Variants in LYST observed in about 807,000 individuals in gnomAD.
The protein encoded by LYST is lysosomal trafficking regulator.
Under a neutral mutation model 413.6 loss-of-function variants are expected in LYST, and 192 were observed. That is an observed-to-expected ratio of 0.46 (90% CI 0.41 to 0.52). The LOEUF (loss-of-function observed/expected upper bound fraction) is 0.52. LYST is among the 20% of genes least tolerant of loss of function. The probability of loss-of-function intolerance (pLI) is 0.00; values close to 1 mark genes in which losing one functional copy is unlikely to be tolerated. For synonymous variants in LYST, 1,525 were observed against 1,567.3 expected, an observed-to-expected ratio of 0.97 and a Z score of 0.64; for missense variants, 3,815 against 4,499.9, an observed-to-expected ratio of 0.85 and a Z score of 4.35.
At chr1:235,708,977 C>T in intron 44 of LYST, 114 bp downstream of exon 44, 1 of 902,350 alleles carries the variant, frequency 1.1e-6, no homozygotes, top group South Asian at 1.4e-5. Context: ...TTTAATGCTA[C>T]TACCAATTCT....
intron 39 of LYST, among the ~76,000 whole-genome samples, chr1:235,722,953 G>C (rs547343092): frequency 1.3e-5 from 2 of 152,230 alleles, no homozygotes; most frequent in Admixed American, 6.5e-5. Flanking sequence ...AGGAAGGCCA[G>C]TTAGGAGGCT....
At chr1:235,702,471 T>C (rs983197021) in intron 45 of LYST, among the ~76,000 whole-genome samples, 2 of 152,200 alleles carry the variant, frequency 1.3e-5, no homozygotes, top group African/African-American at 4.8e-5. Flanking sequence ...CCTGCGAGGC[T>C]TTCCCTGGGA....
At chr1:235,869,507 C>T (rs993191471), upstream of LYST, among the ~76,000 whole-genome samples, 1 of 152,132 alleles carries the variant, frequency 6.6e-6, no homozygotes, top group Non-Finnish European at 1.5e-5. Context: ...GCTCTACTTA[C>T]GCATGTATCA....
At chr1:235,778,122 T>TATATATATATATATATATATATATA (rs1558230944) in intron 16 of LYST, among the ~76,000 whole-genome samples, 5 of 144,802 alleles carry the variant, frequency 3.5e-5, no homozygotes, top group African/African-American at 1.3e-4. Flanking sequence ...TATATATATA[T>TATATATATATATATATATATATATA]TTTTGTAGAG....
rs12076142 is a variant in LYST at position 235,715,661 on chromosome 1, G to A, written c.9628-304C>T. Among the ~76,000 whole-genome samples the A allele has an allele frequency of 7.1e-3, 1,086 of 152,186 alleles. 9 individuals carry two copies. The highest frequency in any genetic ancestry group is 0.025 in the African/African-American group (1,035 of 41,500). On this transcript the variant is annotated intron_variant, in intron 41 of 52. Coordinates refer to ENST00000389793, the MANE Select transcript of LYST (RefSeq NM_000081.4). ...CACCTCCTAACTAATGGCTCATAATGTCTAAGCTGATCAAGCACCCAACAA... is the reference window on the plus strand; with the variant it reads ...CACCTCCTAACTAATGGCTCATAATATCTAAGCTGATCAAGCACCCAACAA...
intron 30 of LYST, among the ~76,000 whole-genome samples, chr1:235,743,675 TC>T (rs1275942581): frequency 6.6e-6 from 1 of 152,144 alleles, no homozygotes; most frequent in Non-Finnish European, 1.5e-5. Context: ...TCATGTAAAC[TC>T]CCATAGTAGT....
At chr1:235,757,507 T>C (rs751111866) in intron 23 of LYST, 49 bp from the exon 24 acceptor site, 2 of 1,370,630 alleles carry the variant, frequency 1.5e-6, no homozygotes, top group South Asian at 2.3e-5. Context: ...GAAAAGTACT[T>C]GATGATTACC....
At chr1:235,743,599 A>C (rs550445175) in intron 30 of LYST, among the ~76,000 whole-genome samples, 2 of 152,290 alleles carry the variant, frequency 1.3e-5, no homozygotes, top group East Asian at 3.9e-4. Flanking sequence ...CCAAGATCTA[A>C]AATTCATAAT....
intron 1 of LYST, among the ~76,000 whole-genome samples, chr1:235,856,142 G>A (rs1374801624): frequency 6.6e-6 from 1 of 152,050 alleles, no homozygotes; most frequent in African/African-American, 2.4e-5. Flanking sequence ...ATCATACTCG[G>A]TAGTTTCTAT....
At position 235,662,869 on chromosome 1, in the gene LYST, C is replaced by G; in HGVS notation, c.*71G>C. ...CATCCATTTCTTTAGGTTCAACCTC[C>G]TAAAACTGGTGAAGTCAACAAATCT... On this transcript the variant is annotated 3_prime_UTR_variant, in exon 53 of 53. Transcript: ENST00000389793. 5.7e-6 allele frequency: 5 copies of G among 883,258 alleles called. No homozygotes were observed. Among genetic ancestry groups the G allele is most frequent in the Non-Finnish European group, 9.8e-6 (5 of 512,600 alleles). The allele number at this position is 883,258 out of a possible 1,614,324, so 54.7% of individuals were successfully genotyped here. A position where few individuals can be genotyped will look rare whatever the true frequency, so the allele number is the denominator to read the frequency against.
intron 14 of LYST, among the ~76,000 whole-genome samples, chr1:235,786,067 C>T (rs1391227547): frequency 1.3e-5 from 2 of 152,094 alleles, no homozygotes; most frequent in East Asian, 3.9e-4. Flanking sequence ...CCTTATTAGC[C>T]ACTTAATTTA....
At chr1:235,727,661 A>T (rs1664009256) in intron 38 of LYST, among the ~76,000 whole-genome samples, 1 of 152,202 alleles carries the variant, frequency 6.6e-6, no homozygotes, top group Admixed American at 6.5e-5. Flanking sequence ...AATAACAATT[A>T]TCATTATTAA....
chr1:235,778,415 C>T (rs1669531514), intron 16 of LYST, among the ~76,000 whole-genome samples: 1 of 151,884 alleles, frequency 6.6e-6, no homozygotes, highest in South Asian at 2.1e-4. Context: ...TGCTCTGTTG[C>T]CCAGGCTGGA....
chr1:235,732,065 CT>C (rs543859627), intron 34 of LYST, among the ~76,000 whole-genome samples: 187 of 147,878 alleles, frequency 1.3e-3, no homozygotes, highest in African/African-American at 4.3e-3. Flanking sequence ...CGGTTGTTGT[CT>C]TTTTTTTTTA....
Position 235,788,903 on chromosome 1 carries a change from A to G in LYST, c.4544-58T>C, listed in dbSNP as rs982989478. 2.6e-6 allele frequency: 4 copies of G among 1,517,118 alleles called. No homozygotes were observed. The African/African-American group carries it at 4.1e-5, about 16-fold the overall frequency. The allele number at this position is 1,517,118 out of a possible 1,614,324, so 94.0% of individuals were successfully genotyped here. A position where few individuals can be genotyped will look rare whatever the true frequency, so the allele number is the denominator to read the frequency against. ...AATGGTTCGTAACAACTGAGTAGAA[A>G]AGTGAATTTAGAAGAATACAAAGCA... is the stretch of plus-strand genomic sequence containing the variant. On this transcript the variant is annotated intron_variant, in intron 12 of 52. Coordinates refer to ENST00000389793, the MANE Select transcript of LYST (RefSeq NM_000081.4).
At position 235,773,892 on chromosome 1, in the gene LYST, T is replaced by C. The variant is rs756441252; in HGVS notation, c.5734A>G (p.Lys1912Glu). 1 of 1,611,406 alleles carries C rather than the reference T, an allele frequency of 6.2e-7. No homozygotes were observed. The highest frequency in any genetic ancestry group is 1.3e-5 in the African/African-American group (1 of 75,006). ...VDSNAIIQDV[K>E]LLEELLLDWK... ...TCAAGCAATAGTTCCTCTAACAGCT[T>C]AACATCTTGGATTATAGCATTAGAG... Residue 1912 changes from lysine (K) to glutamate (E), a missense_variant, in exon 19 of 53, where the codon AAG becomes GAG. Physicochemically the swap from Lys to Glu is moderately conservative, Grantham distance 56. Around this residue, in one of 4 missense-constraint regions of LYST, gnomAD observed 530 missense variants for 696.5 expected, o/e 0.76. Transcript: ENST00000389793.
In LYST at chr1:235,810,110, G is replaced by A. The variant is rs1309693891; in HGVS notation, c.708C>T (p.Asp236=). The A allele has an allele frequency of 1.3e-5, 21 of 1,613,988 alleles. No homozygotes were observed. The highest frequency in any genetic ancestry group is 1.7e-5 in the Non-Finnish European group (20 of 1,179,960). ...EIIPRQGSNT[D]ILSEPAALSV... ...ACAAGGCAGCTGGCTCACTTAAAAT[G>A]TCAGTGTTTGACCCCTGTCTTGGAA... The change falls in exon 5 of 53, where the codon GAC becomes GAT. Residue 236 remains aspartate, a synonymous_variant. Transcript: ENST00000389793.
At chr1:235,716,007 A>G (rs982493843) in intron 41 of LYST, among the ~76,000 whole-genome samples, 3 of 152,200 alleles carry the variant, frequency 2.0e-5, no homozygotes, top group Non-Finnish European at 4.4e-5. Flanking sequence ...AAAGTCAGGT[A>G]TAGTGAATTT....
intron 31 of LYST, chr1:235,737,958 T>TCACTAAAAA: frequency 3.1e-6 from 4 of 1,280,934 alleles, no homozygotes; most frequent in Admixed American, 3.5e-5. Context: ...CCGCCGGACG[T>TCACTAAAAA]GCATTCTCGA....
Sources: allele counts gnomAD v4.1 joint callset (sites outside exome capture counted in the v4.1 genomes callset), GRCh38; gene constraint gnomAD v4.1.1; regional missense constraint gnomAD v4.1.1; transcripts MANE v1.5; gene names NCBI Gene and HGNC (gene_info 2026-07-23, HGNC 2026-07-21).